Variants in GRM8 observed in about 807,000 individuals in gnomAD.
The protein encoded by GRM8 is glutamate metabotropic receptor 8.
A neutral mutation model predicts 87.2 loss-of-function variants in GRM8; 47 were observed. That is an observed-to-expected ratio of 0.54 (90% confidence interval 0.43 to 0.69). The LOEUF (loss-of-function observed/expected upper bound fraction) is 0.69, where lower values mean the gene tolerates loss of function less well. GRM8 is among the 30% of genes least tolerant of loss of function. GRM8 has a pLI of 0.00. For synonymous variants in GRM8, 396 were observed against 404.5 expected (o/e 0.98, Z 0.25); for missense variants, 1,019 against 1,139.2 (o/e 0.89, Z 1.52).
intron 7 of GRM8, among the ~76,000 whole-genome samples, chr7:126,713,319 C>T (rs565231732): frequency 6.6e-6 from 1 of 151,948 alleles, no homozygotes; most frequent in South Asian, 2.1e-4. Flanking sequence ...AGCTGGGTAC[C>T]ATCATTCTCA....
intron 3 of GRM8, among the ~76,000 whole-genome samples, chr7:126,968,890 A>G (rs1006943956): frequency 1.8e-4 from 28 of 152,130 alleles, no homozygotes; most frequent in Non-Finnish European, 3.7e-4. Context: ...TCACCCCACA[A>G]TGTATACAGG....
At chr7:127,068,126 G>A (rs968168846) in intron 3 of GRM8, among the ~76,000 whole-genome samples, 4 of 151,928 alleles carry the variant, frequency 2.6e-5, no homozygotes, top group Non-Finnish European at 4.4e-5. Flanking sequence ...ATTAGTCAAG[G>A]ATAATTTCCT....
At chr7:127,202,673 G>A (rs1271356590) in intron 2 of GRM8, among the ~76,000 whole-genome samples, 1 of 151,956 alleles carries the variant, frequency 6.6e-6, no homozygotes, top group Non-Finnish European at 1.5e-5. Flanking sequence ...GAAGTTTAAT[G>A]TCATTCAAAA....
intron 10 of GRM8, among the ~76,000 whole-genome samples, chr7:126,442,358 A>C (rs929027637): frequency 6.6e-6 from 1 of 152,062 alleles, no homozygotes; most frequent in African/African-American, 2.4e-5. Flanking sequence ...TTTAATTTAT[A>C]TAATACTCTC....
intron 9 of GRM8, among the ~76,000 whole-genome samples, chr7:126,517,136 CA>C (rs1812290120): frequency 6.6e-6 from 1 of 151,904 alleles, no homozygotes; most frequent in African/African-American, 2.4e-5. Flanking sequence ...TGTTTAGGGC[CA>C]GTTTTACACC....
At chr7:126,778,870 A>G (rs961414738) in intron 6 of GRM8, among the ~76,000 whole-genome samples, 9 of 152,118 alleles carry the variant, frequency 5.9e-5, no homozygotes, top group African/African-American at 2.2e-4. Context: ...AGTAATACAT[A>G]TTAATACTAG....
intron 2 of GRM8, among the ~76,000 whole-genome samples, chr7:127,209,949 C>A (rs1470261615): frequency 6.6e-6 from 1 of 152,098 alleles, no homozygotes; most frequent in Non-Finnish European, 1.5e-5. Context: ...TATAATTCAC[C>A]CACTACCCCA....
intron 3 of GRM8, among the ~76,000 whole-genome samples, chr7:126,909,457 G>A (rs1803061231): frequency 1.3e-5 from 2 of 152,146 alleles, no homozygotes. Flanking sequence ...ATTCTTCCAT[G>A]TCTCAGTCTG....
intron 6 of GRM8, among the ~76,000 whole-genome samples, chr7:126,889,134 G>A (rs530834260): frequency 2.6e-5 from 4 of 152,216 alleles, no homozygotes; most frequent in East Asian, 1.9e-4. Flanking sequence ...GCTATAGAGC[G>A]TTTTGGTAAC....
intron 7 of GRM8, among the ~76,000 whole-genome samples, chr7:126,744,197 A>G (rs892428485): frequency 1.4e-4 from 22 of 152,172 alleles, no homozygotes; most frequent in Non-Finnish European, 2.6e-4. Flanking sequence ...GAGCATTTAT[A>G]TGATTGAGTT....
intron 3 of GRM8, among the ~76,000 whole-genome samples, chr7:127,085,340 G>A (rs539985639): frequency 4.6e-5 from 7 of 152,188 alleles, no homozygotes; most frequent in Admixed American, 3.9e-4. Context: ...TAATGGGATC[G>A]CTGGGTCAAA....
At chr7:126,824,272 G>C (rs1180362960) in intron 6 of GRM8, among the ~76,000 whole-genome samples, 1 of 152,002 alleles carries the variant, frequency 6.6e-6, no homozygotes, top group Non-Finnish European at 1.5e-5. Context: ...TGCCAAGTTT[G>C]TTTCAATTAC....
intron 7 of GRM8, among the ~76,000 whole-genome samples, chr7:126,705,634 T>C (rs865996052): frequency 6.6e-6 from 1 of 152,152 alleles, no homozygotes; most frequent in Admixed American, 6.6e-5. Flanking sequence ...TAGGTTAATA[T>C]ACATAGGTTA....
At chr7:126,896,151 T>G (rs182570810) in intron 6 of GRM8, among the ~76,000 whole-genome samples, 88 of 150,654 alleles carry the variant, frequency 5.8e-4, no homozygotes, top group African/African-American at 2.1e-3. Context: ...AGATTGATTC[T>G]TATTTTACAT....
At chr7:126,959,060 A>G (rs865824072) in intron 3 of GRM8, among the ~76,000 whole-genome samples, 3 of 152,254 alleles carry the variant, frequency 2.0e-5, no homozygotes, top group Middle Eastern at 3.2e-3. Context: ...AATCTGGAAG[A>G]TAAAAGGAGA....
chr7:127,208,127 GT>G lies in GRM8; in HGVS notation c.510+34567del, dbSNP rs201657929. On this transcript the variant is annotated intron_variant, in intron 2 of 10. Transcript: ENST00000339582. ...CATGGACCATGGACTGATCTGGCTG[GT>G]TTACAGAGGCTGTAAACTTGAGGGC... is the stretch of plus-strand genomic sequence containing the variant. Among the ~76,000 whole-genome samples, 3 of 152,238 alleles carry G rather than the reference GT, an allele frequency of 2.0e-5. No homozygotes were observed. In the East Asian group the frequency reaches 5.8e-4, roughly 29 times the overall value.
intron 9 of GRM8, among the ~76,000 whole-genome samples, chr7:126,477,789 T>C (rs1806172090): frequency 6.6e-6 from 1 of 152,104 alleles, no homozygotes; most frequent in Non-Finnish European, 1.5e-5. Flanking sequence ...ATTTAGAGTA[T>C]TGTGTTACTT....
chr7:127,095,278 C>CAAA lies in GRM8; in HGVS notation c.727+11217_727+11218insTTT, dbSNP rs761203483. Among the ~76,000 whole-genome samples the CAAA allele has an allele frequency of 4.5e-3, 678 of 152,276 alleles. 6 individuals carry two copies. Among genetic ancestry groups the CAAA allele is most frequent in the Non-Finnish European group, 6.7e-3 (459 of 68,020 alleles). On this transcript the variant is annotated intron_variant, in intron 3 of 10. Transcript: ENST00000339582. ...CAGGGTCCATCATGACAAAACCATT[C>CAAA]CAAACCCTGGCAACTTGTGGGTTGA...
intron 8 of GRM8, among the ~76,000 whole-genome samples, chr7:126,595,857 G>T (rs1454432969): frequency 1.3e-5 from 2 of 152,082 alleles, no homozygotes; most frequent in Non-Finnish European, 2.9e-5. Flanking sequence ...TTATAGTCCG[G>T]CTGGTCGCAG....
Sources: allele counts gnomAD v4.1 joint callset (sites outside exome capture counted in the v4.1 genomes callset), GRCh38; gene constraint gnomAD v4.1.1; transcripts MANE v1.5; gene names NCBI Gene and HGNC (gene_info 2026-07-23, HGNC 2026-07-21).